Variants in CR2 observed in about 807,000 individuals in gnomAD.
The protein encoded by CR2 is complement receptor type 2.
A neutral mutation model predicts 123.0 loss-of-function variants in CR2; 96 were observed. The ratio of observed to expected loss-of-function variants is 0.78; its 90% CI spans 0.66 to 0.93. The LOEUF (loss-of-function observed/expected upper bound fraction) is 0.93. CR2 is among the 40% of genes least tolerant of loss of function. CR2 has a pLI of 0.00. For missense variants in CR2, 1,258 were observed against 1,361.0 expected, an observed-to-expected ratio of 0.92 and a Z score of 1.19; for synonymous variants, 484 against 469.5, an observed-to-expected ratio of 1.03 and a Z score of -0.40.
At position 207,473,846 on chromosome 1, in the gene CR2, G is replaced by T; in HGVS notation, c.2201G>T (p.Gly734Val). Reference protein sequence around the residue: ...VRQSLQELPAGSRVELVNTSC... With the variant: ...VRQSLQELPAVSRVELVNTSC... ...CAGAGTCTTCAAGAACTTCCAGCTG[G>T]TTCACGTGTGGAGCTAGTTAATACG... is the stretch of plus-strand genomic sequence containing the variant. The change falls in exon 12 of 20, where the codon GGT (glycine) becomes GTT (valine). Residue 734 changes from glycine (G) to valine (V), a missense_variant. By Grantham distance (109) the Gly-to-Val change is moderately radical. Transcript: ENST00000367057. 6 of 1,613,936 alleles carry T rather than the reference G, an allele frequency of 3.7e-6. No homozygotes were observed. The highest frequency in any genetic ancestry group is 4.2e-6 in the Non-Finnish European group (5 of 1,179,880).
chr1:207,482,960 G>GAA (rs34366644), intron 18 of CR2, among the ~76,000 whole-genome samples: 5 of 118,510 alleles, frequency 4.2e-5, no homozygotes, highest in Admixed American at 1.7e-4. Flanking sequence ...TGCCATTAAA[G>GAA]AAAAAAAAAA....
chr1:207,474,219 A>G (rs751687484), intron 12 of CR2, 22 bp from the exon 13 acceptor site: 5 of 1,561,202 alleles, frequency 3.2e-6, no homozygotes, highest in Non-Finnish European at 4.4e-6. Context: ...CAGGAAATGC[A>G]TTATAATCTG....
chr1:207,471,190 A>C (rs1313822541), intron 8 of CR2, 103 bp downstream of exon 8: 3 of 1,203,528 alleles, frequency 2.5e-6, no homozygotes, highest in Non-Finnish European at 3.7e-6. Context: ...GCTCTATGTA[A>C]GAGTTTGTCT....
intron 9 of CR2, chr1:207,472,046 A>T: frequency 5.6e-6 from 1 of 178,006 alleles, no homozygotes; most frequent in South Asian, 1.3e-4. Context: ...TCAGGAGATC[A>T]AGACCATCCT....
rs1403510182 is a variant in CR2 at position 207,472,842 on chromosome 1, A to C, written c.1641A>C (p.Pro547=). The change falls in exon 10 of 20, where the codon CCA becomes CCC. Residue 547 remains proline (P), a synonymous_variant. Transcript: ENST00000367057. ...AHTGSSLEDF[P]YGTTVTYTCN... ...CCGGGAGTTCCTTAGAAGATTTTCC[A>C]TATGGAACCACGGTCACTTACACAT... The C allele has an allele frequency of 6.2e-7, 1 of 1,613,940 alleles. No individual in the cohort carries two copies. The highest frequency in any genetic ancestry group is 1.3e-5 in the African/African-American group (1 of 74,922).
In CR2 at chr1:207,468,710, G is replaced by A. The variant is rs1427181056; in HGVS notation, c.629G>A (p.Cys210Tyr). ...SGKWSAVPPTCEEARCKSLGR... is the reference protein window; with the variant it reads ...SGKWSAVPPTYEEARCKSLGR... ...AAATGGAGTGCTGTCCCCCCCACAT[G>A]TGAAGGTACCCTAAATTTACAATCT... The change falls in exon 3 of 20, where the codon TGT (cysteine) becomes TAT (tyrosine). Residue 210 changes from cysteine to tyrosine, a missense_variant. Coordinates refer to ENST00000367057, the MANE Select transcript of CR2 (RefSeq NM_001006658.3). 6.2e-7 allele frequency: 1 copy of A among 1,613,992 alleles called. No individual in the cohort carries two copies. The highest frequency in any genetic ancestry group is 1.7e-5 in the Admixed American group (1 of 60,002).
intron 1 of CR2, among the ~76,000 whole-genome samples, chr1:207,464,935 G>A (rs1345948137): frequency 6.6e-6 from 1 of 152,010 alleles, no homozygotes; most frequent in African/African-American, 2.4e-5. Context: ...TTGTGTTTCT[G>A]TTTTTGTTTT....
intron 8 of CR2, 46 bp downstream of exon 8, chr1:207,471,133 A>C (rs1485489030): frequency 6.4e-7 from 1 of 1,560,594 alleles, no homozygotes; most frequent in East Asian, 2.2e-5. Flanking sequence ...GTGTATCAGC[A>C]CACACTGCAG....
In CR2 at chr1:207,473,900, G is replaced by A. The variant is rs1352712805; in HGVS notation, c.2240+15G>A. On this transcript the variant is annotated intron_variant, in intron 12 of 19. Transcript: ENST00000367057. ...TGCCAAGATGGGTGAGTATGAAGTG[G>A]TCTATTCTGAGAAAAGGTCTCAACC... is the stretch of plus-strand genomic sequence containing the variant. 6.2e-7 allele frequency: 1 copy of A among 1,611,422 alleles called. No individual in the cohort carries two copies. Among genetic ancestry groups the A allele is most frequent in the Non-Finnish European group, 8.5e-7 (1 of 1,178,146 alleles).
intron 9 of CR2, 102 bp downstream of exon 9, chr1:207,471,601 T>G: frequency 1.2e-6 from 1 of 824,514 alleles, no homozygotes; most frequent in Non-Finnish European, 2.1e-6. Context: ...GAGTATTAGA[T>G]TCTGTTCTAT....
chr1:207,487,944 G>C (rs7519408), intron 19 of CR2, among the ~76,000 whole-genome samples: 133,383 of 152,180 alleles, frequency 0.88, 58,523 homozygotes, highest in East Asian at 0.96. Flanking sequence ...AATTATTCAG[G>C]TGAGAGTGAG....
Position 207,473,875 on chromosome 1 carries a change from T to A in CR2, c.2230T>A (p.Cys744Ser). The A allele has an allele frequency of 6.2e-7, 1 of 1,613,838 alleles. No individual in the cohort carries two copies. Among genetic ancestry groups the A allele is most frequent in the Non-Finnish European group, 8.5e-7 (1 of 1,179,816 alleles). The part of the protein sequence containing the change: ...GSRVELVNTS[C>S]QDGYQLTGHA... ...ACGTGTGGAGCTAGTTAATACGTCCTGCCAAGATGGGTGAGTATGAAGTGG... is the reference window on the plus strand; with the variant it reads ...ACGTGTGGAGCTAGTTAATACGTCCAGCCAAGATGGGTGAGTATGAAGTGG... The change falls in exon 12 of 20, where the codon TGC becomes AGC. Residue 744 changes from cysteine to serine, a missense_variant. Physicochemically the swap from Cys to Ser is moderately radical, Grantham distance 112. Transcript: ENST00000367057.
chr1:207,474,238 T>G lies in CR2; in HGVS notation c.2241-3T>G. 1 of 1,607,886 alleles carries G rather than the reference T, an allele frequency of 6.2e-7. No homozygotes were observed. Among genetic ancestry groups the G allele is most frequent in the Non-Finnish European group, 8.5e-7 (1 of 1,174,440 alleles). ...AAATGCATTATAATCTGTCTCTCTG[T>G]AGGTACCAGTTGACTGGACATGCTT... On this transcript the variant is annotated splice_region_variant and splice_polypyrimidine_tract_variant and intron_variant, in intron 12 of 19. Coordinates refer to ENST00000367057, the MANE Select transcript of CR2 (RefSeq NM_001006658.3).
At position 207,478,968 on chromosome 1, in the gene CR2, TTTTTTG is replaced by T. The variant is rs61547182; in HGVS notation, c.3089-260_3089-255del. Among the ~76,000 whole-genome samples the T allele has an allele frequency of 0.35, 52,940 of 150,688 alleles. 10,496 individuals are homozygous for T. Among genetic ancestry groups the T allele is most frequent in the African/African-American group, 0.55 (22,396 of 40,720 alleles). On this transcript the variant is annotated intron_variant, in intron 16 of 19. Coordinates refer to ENST00000367057, the MANE Select transcript of CR2 (RefSeq NM_001006658.3). ...TCCAATACATCTTTTTTATCTGTTG[TTTTTTG>T]TTTTTGTTTTTGTTTTTGTTTTTGT... is the stretch of plus-strand genomic sequence containing the variant.
intron 10 of CR2, among the ~76,000 whole-genome samples, 154 bp from the exon 11 acceptor site, chr1:207,473,391 C>G (rs1257101561): frequency 2.0e-5 from 3 of 152,084 alleles, no homozygotes; most frequent in Admixed American, 6.5e-5. Flanking sequence ...AATGAGAGAG[C>G]CTTTTTAAAG....
Position 207,485,556 on chromosome 1 carries a change from C to G in CR2, c.*2C>G. ...GATCCATACAACCCAGCCAGCTGAT[C>G]AGAAGACAAACTGGTGGTATGTAAT... On this transcript the variant is annotated 3_prime_UTR_variant, in exon 19 of 20. Coordinates refer to ENST00000367057, the MANE Select transcript of CR2 (RefSeq NM_001006658.3). 1.3e-6 allele frequency: 2 copies of G among 1,593,918 alleles called. No homozygotes were observed. The highest frequency in any genetic ancestry group is 1.7e-6 in the Non-Finnish European group (2 of 1,161,724).
At chr1:207,486,885 A>T (rs1658764374) in intron 19 of CR2, among the ~76,000 whole-genome samples, 1 of 152,182 alleles carries the variant, frequency 6.6e-6, no homozygotes, top group South Asian at 2.1e-4. Flanking sequence ...CACTGTGGAG[A>T]TGTTAAATGT....
chr1:207,477,808 C>A, intron 15 of CR2, 77 bp from the exon 16 acceptor site: 1 of 1,333,370 alleles, frequency 7.5e-7, no homozygotes, highest in Non-Finnish European at 1.1e-6. Context: ...ATAAATCTTT[C>A]TATTAAGGGA....
At chr1:207,480,602 T>A (rs1352809578) in intron 18 of CR2, among the ~76,000 whole-genome samples, 3 of 152,180 alleles carry the variant, frequency 2.0e-5, no homozygotes, top group Non-Finnish European at 4.4e-5. Context: ...CATACCCACT[T>A]ATTTCCTTAG....
Sources: gnomAD v4.1 joint callset for allele counts (sites outside exome capture counted in the v4.1 genomes callset) on GRCh38, gnomAD v4.1.1 for gene constraint, MANE v1.5 for transcripts, NCBI Gene and HGNC (gene_info 2026-07-23, HGNC 2026-07-21) for gene names.